LOC128462377: variants seen among roughly 807,000 people sequenced by gnomAD.
the LOC128462377 span, among the ~76,000 whole-genome samples, chr16:89,368,703 C>T: frequency 6.6e-6 from 1 of 151,036 alleles, no homozygotes; most frequent in Admixed American, 6.6e-5. Context: ...AGCCCAGGAG[C>T]TCAAGACCAG....
chr16:89,409,363 G>C, the LOC128462377 span, among the ~76,000 whole-genome samples: 2 of 152,200 alleles, frequency 1.3e-5, no homozygotes, highest in Admixed American at 6.5e-5. Context: ...CTATCAACAG[G>C]GGTGGGGTGG....
the LOC128462377 span, among the ~76,000 whole-genome samples, chr16:89,358,486 T>C: frequency 6.6e-6 from 1 of 152,234 alleles, no homozygotes; most frequent in Non-Finnish European, 1.5e-5. Context: ...AAAGGATAAC[T>C]AGTTGAGAAG....
At chr16:89,392,157 C>T in the LOC128462377 span, among the ~76,000 whole-genome samples, 1 of 152,218 alleles carries the variant, frequency 6.6e-6, no homozygotes, top group Admixed American at 6.5e-5. Context: ...AAAAACCGGA[C>T]ACAGCGTCAG....
the LOC128462377 span, among the ~76,000 whole-genome samples, chr16:89,358,957 C>T: frequency 1.3e-5 from 2 of 152,250 alleles, no homozygotes; most frequent in African/African-American, 4.8e-5. Context: ...TCCAGAGCAG[C>T]TGGGACCACA....
chr16:89,344,630 G>A, the LOC128462377 span, among the ~76,000 whole-genome samples: 1 of 152,208 alleles, frequency 6.6e-6, no homozygotes, highest in South Asian at 2.1e-4. Flanking sequence ...AGGCTGAGGG[G>A]CCCAGGAAGA....
the LOC128462377 span, among the ~76,000 whole-genome samples, chr16:89,386,638 A>G: frequency 6.6e-6 from 1 of 152,176 alleles, no homozygotes; most frequent in African/African-American, 2.4e-5. Context: ...CAGAATCACA[A>G]ATCTCTTCTC....
chr16:89,349,452 CCTGGGCGACAGAGCGAGACTCATCT>C, the LOC128462377 span, among the ~76,000 whole-genome samples: 2 of 152,100 alleles, frequency 1.3e-5, no homozygotes, highest in East Asian at 3.8e-4. Flanking sequence ...TGCACTCCAG[CCTGGGCGACAGAGCGAGACTCATCT>C]CAAAAAAGAC....
the LOC128462377 span, among the ~76,000 whole-genome samples, chr16:89,375,509 G>A: frequency 2.6e-5 from 4 of 151,736 alleles, no homozygotes; most frequent in Non-Finnish European, 5.9e-5. Flanking sequence ...GCCCGGGCTG[G>A]AGTGCAGTGG....
At chr16:89,320,595 G>C in the LOC128462377 span, among the ~76,000 whole-genome samples, 1 of 152,182 alleles carries the variant, frequency 6.6e-6, no homozygotes, top group Non-Finnish European at 1.5e-5. Context: ...TTCGTGGACT[G>C]TCAGGGTCAC....
chr16:89,418,284 C>A, the LOC128462377 span: 1 of 453,950 alleles, frequency 2.2e-6, no homozygotes, highest in Admixed American at 2.3e-5. Context: ...GAGTATTTAC[C>A]GATTCCATAG....
At chr16:89,395,433 A>G in the LOC128462377 span, among the ~76,000 whole-genome samples, 1 of 152,202 alleles carries the variant, frequency 6.6e-6, no homozygotes. Flanking sequence ...GAGAGGAGAC[A>G]GCGCTGGGAT....
the LOC128462377 span, among the ~76,000 whole-genome samples, chr16:89,377,968 C>T: frequency 6.6e-6 from 1 of 151,800 alleles, no homozygotes; most frequent in African/African-American, 2.4e-5. Context: ...GAGAAGTAAA[C>T]ATATTTTCTC....
At chr16:89,339,355 G>A in the LOC128462377 span, among the ~76,000 whole-genome samples, 3 of 152,142 alleles carry the variant, frequency 2.0e-5, no homozygotes, top group Admixed American at 6.5e-5. Context: ...GCTTACACTA[G>A]CAAACAAACA....
At chr16:89,320,461 G>C in the LOC128462377 span, 1 of 152,232 alleles carries the variant, frequency 6.6e-6, no homozygotes, top group Non-Finnish European at 1.5e-5. Flanking sequence ...TGTGCTGAGC[G>C]GCAAGGCACA....
At chr16:89,334,144 TAAAAAAAAAAAAAA>T in the LOC128462377 span, among the ~76,000 whole-genome samples, 4 of 41,416 alleles carry the variant, frequency 9.7e-5, no homozygotes, top group South Asian at 9.5e-4. Context: ...CCCTGTGTTT[TAAAAAAAAAAAAAA>T]AAAAAAAAAA....
At chr16:89,407,674 CACACACACACATAG>C in the LOC128462377 span, among the ~76,000 whole-genome samples, 30 of 152,150 alleles carry the variant, frequency 2.0e-4, 1 homozygote, top group Middle Eastern at 3.4e-3. Flanking sequence ...CACATACACA[CACACACACACATAG>C]ACACACACAG....
chr16:89,390,968 C>G, the LOC128462377 span, among the ~76,000 whole-genome samples: 2 of 152,154 alleles, frequency 1.3e-5, no homozygotes, highest in Non-Finnish European at 2.9e-5. Flanking sequence ...ATGGCTCACG[C>G]CTGTAATCAC....
the LOC128462377 span, among the ~76,000 whole-genome samples, chr16:89,349,601 A>C: frequency 6.6e-6 from 1 of 152,236 alleles, no homozygotes; most frequent in African/African-American, 2.4e-5. Flanking sequence ...GAATATCCTC[A>C]TGCAAAAAAC....
At chr16:89,399,142 G>C in the LOC128462377 span, among the ~76,000 whole-genome samples, 2 of 152,212 alleles carry the variant, frequency 1.3e-5, no homozygotes, top group African/African-American at 4.8e-5. Flanking sequence ...GCAGGAGCAT[G>C]ATGACACAGC....
Sources: allele counts gnomAD v4.1 joint callset (sites outside exome capture counted in the v4.1 genomes callset), GRCh38; gene constraint gnomAD v4.1.1; transcripts MANE v1.5.